MARK2: variants seen among roughly 807,000 people sequenced by gnomAD.
MARK2 encodes microtubule affinity regulating kinase 2.
MARK2 carries 16 observed loss-of-function variants against 89.8 expected under a neutral mutation model. That is an observed-to-expected ratio of 0.18 (90% confidence interval 0.12 to 0.27). The LOEUF (loss-of-function observed/expected upper bound fraction) is 0.27. Ranked by LOEUF, MARK2 falls within the 10% of genes least tolerant of loss-of-function variation. MARK2 has a pLI of 1.00. For missense variants in MARK2, 621 were observed against 1,049.9 expected, an observed-to-expected ratio of 0.59 and a Z score of 5.65; for synonymous variants, 382 against 399.5, an observed-to-expected ratio of 0.96 and a Z score of 0.52.
chr11:63,858,291 C>T (rs977277770), intron 1 of MARK2, among the ~76,000 whole-genome samples: 16 of 151,696 alleles, frequency 1.1e-4, no homozygotes, highest in African/African-American at 3.2e-4. Context: ...GCTAGGATTA[C>T]GGGCATGAGC....
intron 1 of MARK2, among the ~76,000 whole-genome samples, chr11:63,869,742 G>A (rs574901843): frequency 4.6e-5 from 7 of 152,330 alleles, no homozygotes; most frequent in Admixed American, 1.3e-4. Flanking sequence ...GTTTAGGCAT[G>A]TTAGGTGAGG....
Position 63,908,918 on chromosome 11 carries a change from A to G in MARK2, c.2048A>G (p.Glu683Gly). 6.6e-7 allele frequency: 1 copy of G among 1,507,948 alleles called. No individual in the cohort carries two copies. The highest frequency in any genetic ancestry group is 2.3e-5 in the East Asian group (1 of 42,712). The allele number at this position is 1,507,948 out of a possible 1,614,324, so 93.4% of individuals were successfully genotyped here. A position where few individuals can be genotyped will look rare whatever the true frequency, so the allele number is the denominator to read the frequency against. The change falls in exon 19 of 19, where the codon GAA becomes GGA. Residue 683 changes from glutamate (E) to glycine (G), a missense_variant. Glu to Gly is a moderately conservative substitution (Grantham distance 98). Coordinates refer to ENST00000402010, the MANE Select transcript of MARK2 (RefSeq NM_001039469.3). ...VGSGGNDKEK[E>G]EFREAKPRSL... Reference sequence around the variant, plus strand: ...AGTGGCGGCAACGACAAAGAAAAGGAAGAATTTCGGGAGGCCAAGCCCCGC... The same window carrying G: ...AGTGGCGGCAACGACAAAGAAAAGGGAGAATTTCGGGAGGCCAAGCCCCGC...
chr11:63,906,037 T>C, intron 16 of MARK2, 51 bp from the exon 17 acceptor site: 1 of 1,348,160 alleles, frequency 7.4e-7, no homozygotes, highest in Non-Finnish European at 9.6e-7. Flanking sequence ...TCTTGTTGGT[T>C]TTTTTTTTAT....
chr11:63,875,317 C>T (rs1447200687), intron 1 of MARK2, among the ~76,000 whole-genome samples: 1 of 151,966 alleles, frequency 6.6e-6, no homozygotes, highest in Non-Finnish European at 1.5e-5. Flanking sequence ...GATGGGGTTA[C>T]ACCATGTTGT....
rs374423968 is a variant in MARK2 at position 63,902,600 on chromosome 11, G to A, written c.1235-1G>A. On this transcript the variant is annotated splice_acceptor_variant, in intron 12 of 18. Coordinates refer to ENST00000402010, the MANE Select transcript of MARK2 (RefSeq NM_001039469.3). LOFTEE classifies it high-confidence loss of function. This position sits in a 1 kb window ranked among gnomAD's most constrained non-coding sequence, Gnocchi z 4.2. ...CCATTCCCATCCTCCCTCTGGCCCA[G>A]CAGCTGGTCCTGCCATTCCCACCTC... 1.9e-5 allele frequency: 30 copies of A among 1,613,048 alleles called. No individual in the cohort carries two copies. The highest frequency in any genetic ancestry group is 2.2e-5 in the Non-Finnish European group (26 of 1,179,438).
chr11:63,848,763 A>G (rs2016411651), intron 1 of MARK2, among the ~76,000 whole-genome samples: 1 of 150,868 alleles, frequency 6.6e-6, no homozygotes, highest in African/African-American at 2.4e-5. Context: ...AGGTTTCACC[A>G]TGTTAGCCAG....
chr11:63,873,906 C>T (rs377055231), intron 1 of MARK2, among the ~76,000 whole-genome samples: 10 of 152,206 alleles, frequency 6.6e-5, no homozygotes, highest in Non-Finnish European at 5.9e-5. Context: ...CTCGGCCTCC[C>T]GAGGGACTGG....
At chr11:63,881,525 C>G (rs899165233) in intron 1 of MARK2, among the ~76,000 whole-genome samples, 1 of 152,052 alleles carries the variant, frequency 6.6e-6, no homozygotes, top group Non-Finnish European at 1.5e-5. Flanking sequence ...TCTCTTGTTC[C>G]CTAAGTATTG....
At chr11:63,897,312 A>G (rs544053635) in intron 3 of MARK2, among the ~76,000 whole-genome samples, 11 of 152,224 alleles carry the variant, frequency 7.2e-5, no homozygotes, top group Non-Finnish European at 1.6e-4. Context: ...AAAAGTAAGA[A>G]AAACCTAGGC....
chr11:63,903,937 G>A lies in MARK2; in HGVS notation c.1515-49G>A, dbSNP rs768736848. 2.2e-5 allele frequency: 33 copies of A among 1,509,454 alleles called. No homozygotes were observed. In the Admixed American group the frequency reaches 3.0e-4, roughly 14 times the overall value. 93.5% of individuals were successfully genotyped at this position (1,509,454 alleles called of 1,614,324 possible). ...CCTTGCTTCCTAATCCAGGCCTCCC[G>A]CCCTCACTCACCCCTAACACGGGCC... On this transcript the variant is annotated intron_variant, in intron 14 of 18. Coordinates refer to ENST00000402010, the MANE Select transcript of MARK2 (RefSeq NM_001039469.3). The surrounding 1 kb of genome is among the most constrained non-coding windows in gnomAD (Gnocchi z 5.1).
chr11:63,855,230 A>G (rs1402414271), intron 1 of MARK2, among the ~76,000 whole-genome samples: 3 of 152,204 alleles, frequency 2.0e-5, no homozygotes, highest in Non-Finnish European at 2.9e-5. Context: ...TTCAAAGTGC[A>G]GGACGAGGCC....
At chr11:63,890,296 G>A in intron 1 of MARK2, 1 of 1,342,636 alleles carries the variant, frequency 7.4e-7, no homozygotes, top group African/African-American at 1.5e-5. Context: ...GGGTGCAGGG[G>A]TAAGTAAGGG....
intron 1 of MARK2, among the ~76,000 whole-genome samples, chr11:63,865,109 T>A (rs1295100399): frequency 6.6e-6 from 1 of 152,122 alleles, no homozygotes; most frequent in African/African-American, 2.4e-5. Flanking sequence ...CAGGCTGGCC[T>A]GGAACTCCTG....
intron 1 of MARK2, among the ~76,000 whole-genome samples, chr11:63,883,927 G>A (rs1939247909): frequency 6.6e-6 from 1 of 152,160 alleles, no homozygotes; most frequent in African/African-American, 2.4e-5. Flanking sequence ...CTGTGAAATG[G>A]GTACAGCTAG....
At position 63,902,191 on chromosome 11, in the gene MARK2, C is replaced by A. The variant is rs753947157; in HGVS notation, c.1102-7C>A. 1.2e-6 allele frequency: 2 copies of A among 1,613,952 alleles called. No individual in the cohort carries two copies. The highest frequency in any genetic ancestry group is 1.7e-5 in the Admixed American group (1 of 59,998). On this transcript the variant is annotated splice_region_variant and splice_polypyrimidine_tract_variant and intron_variant, in intron 11 of 18. Transcript: ENST00000402010. The surrounding 1 kb of genome is among the most constrained non-coding windows in gnomAD (Gnocchi z 4.2). ...CCTCCCTTGAAGCTGTTTTCTGTTT[C>A]TTTCAGCTGGAAGGCGACACCATCA...
At chr11:63,895,658 CTTTTTTTTTTTTTTTT>C (rs544118942) in intron 3 of MARK2, 25 bp downstream of exon 3, 739 of 1,160,222 alleles carry the variant, frequency 6.4e-4, no homozygotes, top group Non-Finnish European at 7.3e-4. Context: ...CCTCCTGTCC[CTTTTTTTTTTTTTTTT>C]TTTTTTTTTT....
At chr11:63,906,192 C>G (rs1426464890) in intron 17 of MARK2, 78 bp downstream of exon 17, 19 of 1,247,420 alleles carry the variant, frequency 1.5e-5, no homozygotes, top group Non-Finnish European at 1.6e-5. Context: ...ACTAACTCCC[C>G]TTTTCTGGCT....
intron 1 of MARK2, among the ~76,000 whole-genome samples, chr11:63,882,938 T>C (rs1939183848): frequency 1.3e-5 from 2 of 152,146 alleles, no homozygotes; most frequent in South Asian, 4.1e-4. Context: ...GAGCCAGACC[T>C]CTATGCTGCA....
chr11:63,901,473 CTTTTTTT>C (rs35231498), intron 11 of MARK2, among the ~76,000 whole-genome samples: 3 of 57,696 alleles, frequency 5.2e-5, no homozygotes, highest in Non-Finnish European at 5.6e-5. Flanking sequence ...GAGTCTGTTG[CTTTTTTT>C]TTTTTTTTTT....
Sources: allele counts gnomAD v4.1 joint callset (sites outside exome capture counted in the v4.1 genomes callset), GRCh38; gene constraint gnomAD v4.1.1; non-coding constraint Gnocchi (gnomAD v3.1); transcripts MANE v1.5; gene names NCBI Gene and HGNC (gene_info 2026-07-23, HGNC 2026-07-21).